The following CCAR1 variants were observed in gnomAD, a reference collection of about 807,000 sequenced individuals.
CCAR1 encodes the protein cell division cycle and apoptosis regulator protein 1.
In CCAR1, 78 loss-of-function variants were observed where a neutral mutation model predicts 163.8. That is an observed-to-expected ratio of 0.48 (90% CI 0.40 to 0.57). The LOEUF (loss-of-function observed/expected upper bound fraction) is 0.57. Ranked by LOEUF, CCAR1 falls within the 20% of genes least tolerant of loss-of-function variation. CCAR1 has a pLI of 0.00. For missense variants in CCAR1, 1,019 were observed against 1,365.2 expected, an observed-to-expected ratio of 0.75 and a Z score of 4.00; for synonymous variants, 443 against 460.7, an observed-to-expected ratio of 0.96 and a Z score of 0.49.
rs756341005 is a variant in CCAR1 at position 68,789,719 on chromosome 10, A to C, written c.3197A>C (p.Glu1066Ala). The C allele has an allele frequency of 8.3e-6, 13 of 1,567,742 alleles. No homozygotes were observed. The African/African-American group carries it at 1.7e-4, about 20-fold the overall frequency. The change falls in exon 24 of 25, where the codon GAA becomes GCA. Residue 1066 changes from glutamate to alanine, a missense_variant. This residue lies in a region of CCAR1 where 358 missense variants were observed against 406.4 expected (regional missense o/e 0.88). Transcript: ENST00000265872. ...GGATTTTTTTAAACAGATGAAGATG[A>C]AAAAACCATATTAAATTTGGAGAAT... ...QLLEEKTDED[E>A]KTILNLENSN...
intron 6 of CCAR1, among the ~76,000 whole-genome samples, chr10:68,743,663 C>G (rs1442018869): frequency 6.6e-6 from 1 of 151,848 alleles, no homozygotes; most frequent in African/African-American, 2.4e-5. Flanking sequence ...TTGCCTCAGC[C>G]TCCCAAGTAG....
chr10:68,763,937 G>A (rs959175240), intron 16 of CCAR1, among the ~76,000 whole-genome samples: 7 of 152,152 alleles, frequency 4.6e-5, no homozygotes, highest in African/African-American at 1.4e-4. Context: ...TCCCCAGGAA[G>A]CCCTGGTTCC....
rs10998420 is a variant in CCAR1, at chr10:68,760,883, A to C, written c.1921-124A>C. The C allele has an allele frequency of 3.3e-3, 493 of 148,996 alleles. 14 individuals carry two copies. Among genetic ancestry groups the C allele is most frequent in the East Asian group, 0.031 (334 of 10,694 alleles). The allele number at this position is 148,996 out of a possible 1,614,324, so 9.2% of individuals were successfully genotyped here. Reference sequence around the variant, plus strand: ...TGTTTCAAAAAAAACAAAAAACAAAAAAAAAAAAAACACACAAAATATAAT... The same window carrying C: ...TGTTTCAAAAAAAACAAAAAACAAACAAAAAAAAAACACACAAAATATAAT... On this transcript the variant is annotated intron_variant, in intron 15 of 24. Transcript: ENST00000265872.
intron 19 of CCAR1, among the ~76,000 whole-genome samples, chr10:68,780,409 G>A (rs2056721786): frequency 6.6e-6 from 1 of 152,130 alleles, no homozygotes; most frequent in African/African-American, 2.4e-5. Context: ...TGCCCAAGCT[G>A]ATCTCAAACT....
chr10:68,742,679 C>A, intron 6 of CCAR1, 110 bp downstream of exon 6: 1 of 828,394 alleles, frequency 1.2e-6, no homozygotes, highest in Non-Finnish European at 2.0e-6. Context: ...TGTGCAATCT[C>A]AAGTCGACTC....
chr10:68,742,245 C>A (rs1456340620), intron 5 of CCAR1, 131 bp from the exon 6 acceptor site: 1 of 623,558 alleles, frequency 1.6e-6, no homozygotes, highest in Non-Finnish European at 2.7e-6. Flanking sequence ...ACCTGACTCT[C>A]AAGATGTACA....
At chr10:68,731,212 G>C (rs2056033467) in intron 2 of CCAR1, among the ~76,000 whole-genome samples, 1 of 152,192 alleles carries the variant, frequency 6.6e-6, no homozygotes, top group South Asian at 2.1e-4. Context: ...GTGTGAGGGA[G>C]ATTAAATCAG....
chr10:68,778,848 A>G (rs1366965502), intron 19 of CCAR1, among the ~76,000 whole-genome samples: 2 of 151,496 alleles, frequency 1.3e-5, no homozygotes, highest in Admixed American at 1.3e-4. Context: ...CCTGGAGACT[A>G]CTCTTTTTTT....
chr10:68,761,020 G>A lies in CCAR1; in HGVS notation c.1934G>A (p.Arg645Gln), dbSNP rs1302769076. 7.0e-7 allele frequency: 1 copy of A among 1,430,670 alleles called. No homozygotes were observed. The highest frequency in any genetic ancestry group is 1.7e-5 in the African/African-American group (1 of 59,754). 88.6% of individuals were successfully genotyped at this position (1,430,670 alleles called of 1,614,324 possible). The change falls in exon 16 of 25, where the codon CGA (arginine) becomes CAA (glutamine). Residue 645 changes from arginine to glutamine, a missense_variant. Physicochemically the swap from Arg to Gln is conservative, Grantham distance 43. Around this residue, in one of 4 missense-constraint regions of CCAR1, gnomAD observed 644 missense variants for 904.4 expected, o/e 0.71. Transcript: ENST00000265872. ...DPKTMKVNDLRKELESRALSS... is the reference protein window; with the variant it reads ...DPKTMKVNDLQKELESRALSS... The stretch of plus-strand genomic sequence containing the variant: ...CCATATATTCAGGTAAATGACCTCC[G>A]AAAAGAATTAGAAAGTCGAGCTCTT...
chr10:68,775,398 C>T (rs1273764522), intron 19 of CCAR1, among the ~76,000 whole-genome samples: 1 of 152,034 alleles, frequency 6.6e-6, no homozygotes, highest in Non-Finnish European at 1.5e-5. Context: ...CCCATTTTCT[C>T]TCCCCTGTAC....
chr10:68,775,613 G>A (rs1215939414), intron 19 of CCAR1, among the ~76,000 whole-genome samples: 4 of 145,742 alleles, frequency 2.7e-5, no homozygotes, highest in Non-Finnish European at 4.5e-5. Context: ...GGGTTCAAGC[G>A]ATTTTCCTGC....
intron 19 of CCAR1, among the ~76,000 whole-genome samples, chr10:68,780,847 G>A (rs959083883): frequency 6.6e-6 from 1 of 152,122 alleles, no homozygotes; most frequent in Non-Finnish European, 1.5e-5. Flanking sequence ...TATAAATATT[G>A]TTTGTGTTCT....
At chr10:68,764,032 A>G (rs2056506778) in intron 16 of CCAR1, among the ~76,000 whole-genome samples, 1 of 152,164 alleles carries the variant, frequency 6.6e-6, no homozygotes, top group South Asian at 2.1e-4. Flanking sequence ...GTGAACAGAG[A>G]TATGGAAGAT....
intron 4 of CCAR1, among the ~76,000 whole-genome samples, chr10:68,739,511 T>C (rs927000745): frequency 2.6e-5 from 4 of 152,168 alleles, no homozygotes; most frequent in Non-Finnish European, 4.4e-5. Context: ...CCTAGATCCA[T>C]GGCCCAGTTT....
intron 16 of CCAR1, among the ~76,000 whole-genome samples, chr10:68,763,214 G>A (rs1032191595): frequency 4.6e-5 from 7 of 151,936 alleles, no homozygotes; most frequent in African/African-American, 9.7e-5. Flanking sequence ...GCAGTGGTGC[G>A]ATCTCGGCTC....
At position 68,775,675 on chromosome 10, in the gene CCAR1, A is replaced by G. The variant is rs916993737; in HGVS notation, c.2650+2576A>G. Among the ~76,000 whole-genome samples, 29 of 130,436 alleles carry G rather than the reference A, an allele frequency of 2.2e-4. No homozygotes were observed. In the East Asian group the frequency reaches 5.7e-3, roughly 26 times the overall value. 85.6% of individuals were successfully genotyped at this position (130,436 alleles called of 152,430 possible). ...CAGACATTTGCCACCACGCCCAGCT[A>G]ATTTTTCTTTTCTTTTTTTTTTTTT... is the stretch of plus-strand genomic sequence containing the variant. On this transcript the variant is annotated intron_variant, in intron 19 of 24. Transcript: ENST00000265872.
intron 17 of CCAR1, among the ~76,000 whole-genome samples, chr10:68,769,206 C>T (rs1275210478): frequency 6.6e-6 from 1 of 152,188 alleles, no homozygotes; most frequent in African/African-American, 2.4e-5. Context: ...GAAGTCCCGA[C>T]CTCGTGATCC....
chr10:68,734,308 A>C (rs1362805496), intron 2 of CCAR1, among the ~76,000 whole-genome samples: 1 of 151,992 alleles, frequency 6.6e-6, no homozygotes. Flanking sequence ...AGTTTGGGGA[A>C]GGGAGTGTTC....
intron 17 of CCAR1, among the ~76,000 whole-genome samples, chr10:68,769,560 C>T (rs1223750686): frequency 3.3e-5 from 5 of 151,724 alleles, no homozygotes; most frequent in East Asian, 1.9e-4. Context: ...GCGGAGGTTG[C>T]GGTGAGCCAA....
Sources: allele counts gnomAD v4.1 joint callset (sites outside exome capture counted in the v4.1 genomes callset), GRCh38; gene constraint gnomAD v4.1.1; regional missense constraint gnomAD v4.1.1; transcripts MANE v1.5; gene names NCBI Gene and HGNC (gene_info 2026-07-23, HGNC 2026-07-21).